GPR89B: variants seen among roughly 807,000 people sequenced by gnomAD.
GPR89B encodes golgi pH regulator B, also known as G protein-coupled receptor 89B.
Under a neutral mutation model 52.4 loss-of-function variants are expected in GPR89B, and 25 were observed. The observed-to-expected ratio is 0.48, with a 90% CI of 0.35 to 0.67. The LOEUF (loss-of-function observed/expected upper bound fraction) is 0.67, where lower values mean the gene tolerates loss of function less well. GPR89B is among the 30% of genes least tolerant of loss of function. GPR89B has a pLI of 0.01. For synonymous variants in GPR89B, 52 were observed against 151.2 expected (o/e 0.34, Z 4.81); for missense variants, 146 against 450.2 (o/e 0.32, Z 6.11).
At chr1:148,000,793 A>AC in the GPR89B span, among the ~76,000 whole-genome samples, 55 of 138,136 alleles carry the variant, frequency 4.0e-4, 2 homozygotes, top group East Asian at 3.9e-3. Flanking sequence ...AAAAAAAAAA[A>AC]AACAACAACA....
At chr1:147,933,085 A>G (rs1653786891) in intron 1 of GPR89B, among the ~76,000 whole-genome samples, 2 of 152,200 alleles carry the variant, frequency 1.3e-5, no homozygotes, top group Non-Finnish European at 2.9e-5. Flanking sequence ...ACCTAATAAT[A>G]TTAATAATAG....
At chr1:148,019,550 T>C in the GPR89B span, among the ~76,000 whole-genome samples, 1 of 151,640 alleles carries the variant, frequency 6.6e-6, no homozygotes, top group Admixed American at 6.6e-5. Flanking sequence ...GAGACAAACC[T>C]GCACATCCTG....
chr1:147,980,085 CAAA>C (rs1359509482), intron 10 of GPR89B, among the ~76,000 whole-genome samples: 1 of 114,248 alleles, frequency 8.8e-6, no homozygotes. Flanking sequence ...GACTCTGTCT[CAAA>C]AAAAAAAAAA....
At chr1:147,985,547 T>G (rs1404269256) in intron 10 of GPR89B, among the ~76,000 whole-genome samples, 2 of 152,108 alleles carry the variant, frequency 1.3e-5, no homozygotes, top group Non-Finnish European at 2.9e-5. Flanking sequence ...CATTTGTGTA[T>G]TGTCTGTGGC....
At chr1:147,956,731 G>A (rs1238792930) in intron 7 of GPR89B, among the ~76,000 whole-genome samples, 8 of 150,984 alleles carry the variant, frequency 5.3e-5, no homozygotes, top group Middle Eastern at 3.4e-3. Flanking sequence ...ATGGAATATT[G>A]TCTATTGTGA....
chr1:148,025,019 G>T, the GPR89B span, among the ~76,000 whole-genome samples: 1 of 151,822 alleles, frequency 6.6e-6, no homozygotes, highest in Non-Finnish European at 1.5e-5. Flanking sequence ...ACATTATGCT[G>T]GGCAATCAGG....
the GPR89B span, among the ~76,000 whole-genome samples, chr1:148,004,613 A>G: frequency 3.3e-5 from 4 of 119,960 alleles, no homozygotes; most frequent in Non-Finnish European, 7.0e-5. Flanking sequence ...AAGAAAAGAA[A>G]GTAAGGGTCC....
At chr1:147,942,389 T>C in intron 3 of GPR89B, among the ~76,000 whole-genome samples, 1 of 150,272 alleles carries the variant, frequency 6.7e-6, no homozygotes, top group Admixed American at 6.6e-5. Context: ...TGCAGCCACA[T>C]TGGGAAACAG....
chr1:147,950,878 C>G (rs1356108795), intron 5 of GPR89B, among the ~76,000 whole-genome samples: 1 of 152,180 alleles, frequency 6.6e-6, no homozygotes. Context: ...GCCGAGATGG[C>G]AGCAGTACAG....
Position 147,959,752 on chromosome 1 carries a change from G to T in GPR89B, c.617+5350G>T, listed in dbSNP as rs1483869260. ...AACACCAAAGAGTCTGAGAAAAATA[G>T]GCAGAAACTAGAAGAGAGTCTATCC... On this transcript the variant is annotated intron_variant, in intron 7 of 13. Transcript: ENST00000314163. Among the ~76,000 whole-genome samples, 147 of 152,168 alleles carry T rather than the reference G, an allele frequency of 9.7e-4. 2 individuals are homozygous for T. The highest frequency in any genetic ancestry group is 3.3e-3 in the African/African-American group (135 of 41,452).
intron 10 of GPR89B, among the ~76,000 whole-genome samples, chr1:147,971,387 G>A (rs1288055549): frequency 6.7e-6 from 1 of 149,994 alleles, no homozygotes; most frequent in Non-Finnish European, 1.5e-5. Flanking sequence ...CTGAGCTCAG[G>A]CAATCTGCCC....
chr1:148,017,500 CG>C, the GPR89B span, among the ~76,000 whole-genome samples: 1 of 149,722 alleles, frequency 6.7e-6, no homozygotes, highest in Admixed American at 6.6e-5. Flanking sequence ...TTTGGGAGGC[CG>C]AGGTGGGTGG....
chr1:148,002,037 G>GC, the GPR89B span, among the ~76,000 whole-genome samples: 1,469 of 128,594 alleles, frequency 0.011, 32 homozygotes, highest in East Asian at 0.051. Context: ...ACCAGATGCT[G>GC]CTTTTTTTTT....
chr1:147,936,168 C>T (rs1342868542), intron 1 of GPR89B, among the ~76,000 whole-genome samples: 2 of 152,142 alleles, frequency 1.3e-5, no homozygotes, highest in African/African-American at 2.4e-5. Context: ...CAGGTGCCCA[C>T]ACCCAGCTAA....
chr1:147,952,443 A>G (rs2149057811), intron 5 of GPR89B, among the ~76,000 whole-genome samples: 1 of 151,872 alleles, frequency 6.6e-6, no homozygotes, highest in Non-Finnish European at 1.5e-5. Context: ...ACTGACCTCT[A>G]AAACGAGTGT....
intron 10 of GPR89B, among the ~76,000 whole-genome samples, chr1:147,972,482 A>C (rs1160495361): frequency 6.6e-6 from 1 of 150,732 alleles, no homozygotes; most frequent in African/African-American, 2.5e-5. Context: ...CCTCACCAAC[A>C]CTCTATATGG....
intron 2 of GPR89B, among the ~76,000 whole-genome samples, chr1:147,937,396 A>T (rs1553248140): frequency 6.6e-6 from 1 of 152,206 alleles, no homozygotes; most frequent in African/African-American, 2.4e-5. Flanking sequence ...CATTGTCTTT[A>T]TAAACATTTT....
downstream of GPR89B, chr1:147,995,636 A>G (rs1481400745): frequency 1.2e-6 from 2 of 1,609,096 alleles, no homozygotes; most frequent in Non-Finnish European, 1.7e-6. Flanking sequence ...TGACTCCACC[A>G]CTATTCCTTC....
rs1367862253 is a variant in GPR89B at position 147,993,378 on chromosome 1, G to A, written c.*461G>A. ...CGTTCATTTTATCAAGCATAGCTTGGTATTTATTATGCTTGTGTGATCTAA... is the reference window on the plus strand; with the variant it reads ...CGTTCATTTTATCAAGCATAGCTTGATATTTATTATGCTTGTGTGATCTAA... On this transcript the variant is annotated 3_prime_UTR_variant, in exon 14 of 14. Coordinates refer to ENST00000314163, the MANE Select transcript of GPR89B (RefSeq NM_016334.5). The A allele has an allele frequency of 1.7e-5, 4 of 237,878 alleles. No individual in the cohort carries two copies. Among genetic ancestry groups the A allele is most frequent in the Admixed American group, 1.0e-4 (2 of 19,208 alleles). 14.7% of individuals were successfully genotyped at this position (237,878 alleles called of 1,614,324 possible). A position where few individuals can be genotyped will look rare whatever the true frequency, so the allele number is the denominator to read the frequency against.
Sources: gnomAD v4.1 joint callset for allele counts (sites outside exome capture counted in the v4.1 genomes callset) on GRCh38, gnomAD v4.1.1 for gene constraint, MANE v1.5 for transcripts, NCBI Gene and HGNC (gene_info 2026-07-23, HGNC 2026-07-21) for gene names.